The following CCSER2 variants were observed in gnomAD, a reference collection of about 807,000 sequenced individuals.
CCSER2 encodes the protein serine-rich coiled-coil domain-containing protein 2.
In CCSER2, 46 loss-of-function variants were observed where a neutral mutation model predicts 92.3. The ratio of observed to expected loss-of-function variants is 0.50; its 90% CI spans 0.39 to 0.64. The LOEUF (loss-of-function observed/expected upper bound fraction) is 0.64. Ranked by LOEUF, CCSER2 falls within the 30% of genes least tolerant of loss-of-function variation. CCSER2 has a pLI of 0.00. For missense variants in CCSER2, 1,244 were observed against 1,238.9 expected (o/e 1.00, Z -0.06); for synonymous variants, 433 against 431.4 (o/e 1.00, Z -0.04).
Position 84,371,984 on chromosome 10 carries a change from C to T in CCSER2, c.932C>T (p.Ser311Phe). 1 of 1,613,736 alleles carries T rather than the reference C, an allele frequency of 6.2e-7. No individual in the cohort carries two copies. Among genetic ancestry groups the T allele is most frequent in the Non-Finnish European group, 8.5e-7 (1 of 1,179,764 alleles). ...TTACCAAATGGCCCAGGTGTAACTT[C>T]TACTTTAGGTTATAGAATGGTTCAT... ...LALPNGPGVT[S>F]TLGYRMVHPS... Residue 311 changes from serine (S) to phenylalanine (F), a missense_variant, in exon 2 of 10, where the codon TCT (serine) becomes TTT (phenylalanine). Physicochemically the swap from Ser to Phe is radical, Grantham distance 155. Transcript: ENST00000372088.
rs753539651 is a variant in CCSER2 at position 84,372,136 on chromosome 10, A to G, written c.1084A>G (p.Asn362Asp). The G allele has an allele frequency of 6.2e-7, 1 of 1,613,612 alleles. No homozygotes were observed. Among genetic ancestry groups the G allele is most frequent in the Non-Finnish European group, 8.5e-7 (1 of 1,179,720 alleles). ...AGTTTTGGCTAAGGACAGAGCTGCT[A>G]ATAAGGACCAAGAACTGATTGAAAA... is the stretch of plus-strand genomic sequence containing the variant. ...ATVLAKDRAA[N>D]KDQELIENES... Residue 362 changes from asparagine (N) to aspartate (D), a missense_variant, in exon 2 of 10, where the codon AAT becomes GAT. Coordinates refer to ENST00000372088, the MANE Select transcript of CCSER2 (RefSeq NM_001284240.2).
chr10:84,512,268 A>G (rs752438239), intron 9 of CCSER2, among the ~76,000 whole-genome samples: 6 of 152,198 alleles, frequency 3.9e-5, no homozygotes, highest in African/African-American at 7.2e-5. Flanking sequence ...GTGGATTAGC[A>G]TAGCAAAAAA....
chr10:84,427,432 T>C (rs968501073), intron 5 of CCSER2, among the ~76,000 whole-genome samples: 3 of 152,246 alleles, frequency 2.0e-5, no homozygotes, highest in African/African-American at 7.2e-5. Context: ...TGTGCCTTAA[T>C]ATTAGAAAGG....
chr10:84,353,613 G>A (rs1361488304), intron 1 of CCSER2, among the ~76,000 whole-genome samples: 2 of 152,164 alleles, frequency 1.3e-5, no homozygotes, highest in African/African-American at 2.4e-5. Context: ...AGCCAATCCT[G>A]ACTTAGGTGG....
chr10:84,487,735 T>C (rs1436774899), intron 9 of CCSER2, among the ~76,000 whole-genome samples: 3 of 152,150 alleles, frequency 2.0e-5, no homozygotes, highest in Admixed American at 2.0e-4. Flanking sequence ...CCTTTATTTC[T>C]TTCTCCTGCC....
chr10:84,438,835 T>C (rs1036333745), intron 6 of CCSER2, 128 bp downstream of exon 6: 10 of 602,318 alleles, frequency 1.7e-5, no homozygotes, highest in African/African-American at 1.5e-4. Context: ...ATAATGCTTG[T>C]AAATAGTATA....
Position 84,514,074 on chromosome 10 carries a change from C to T in CCSER2, c.2951C>T (p.Pro984Leu). The change falls in exon 10 of 10, where the codon CCC (proline) becomes CTC (leucine). Residue 984 changes from proline (P) to leucine (L), a missense_variant. By Grantham distance (98) the Pro-to-Leu change is moderately conservative. Coordinates refer to ENST00000372088, the MANE Select transcript of CCSER2 (RefSeq NM_001284240.2). Reference protein sequence around the residue: ...QNLKASKLRPPSGSFKQKQTN... With the variant: ...QNLKASKLRPLSGSFKQKQTN... Reference sequence around the variant, plus strand: ...CTGAAAGCATCTAAGCTCCGCCCCCCCTCAGGCTCTTTCAAACAAAAACAA... The same window carrying T: ...CTGAAAGCATCTAAGCTCCGCCCCCTCTCAGGCTCTTTCAAACAAAAACAA... The T allele has an allele frequency of 6.5e-7, 1 of 1,536,280 alleles. No individual in the cohort carries two copies. Among genetic ancestry groups the T allele is most frequent in the Non-Finnish European group, 8.7e-7 (1 of 1,146,960 alleles).
intron 1 of CCSER2, among the ~76,000 whole-genome samples, chr10:84,335,039 C>G (rs1446688527): frequency 6.6e-6 from 1 of 152,092 alleles, no homozygotes; most frequent in African/African-American, 2.4e-5. Context: ...GGTCTCCTAC[C>G]CTGTATCTTG....
chr10:84,481,558 A>G (rs969519647), intron 9 of CCSER2, among the ~76,000 whole-genome samples: 1 of 152,196 alleles, frequency 6.6e-6, no homozygotes, highest in African/African-American at 2.4e-5. Context: ...GACTGAACCC[A>G]GCAAGGGAAT....
At chr10:84,367,942 G>A (rs797006498) in intron 1 of CCSER2, among the ~76,000 whole-genome samples, 6 of 152,120 alleles carry the variant, frequency 3.9e-5, no homozygotes, top group African/African-American at 1.4e-4. Flanking sequence ...CTTCGCTTTT[G>A]CCCTTCTGTG....
At chr10:84,451,053 A>G (rs940438446) in intron 6 of CCSER2, among the ~76,000 whole-genome samples, 3 of 152,206 alleles carry the variant, frequency 2.0e-5, no homozygotes, top group African/African-American at 7.2e-5. Flanking sequence ...AATGACTCCA[A>G]AATTGGAAAC....
At chr10:84,339,960 G>C (rs1564577844) in intron 1 of CCSER2, among the ~76,000 whole-genome samples, 1 of 152,082 alleles carries the variant, frequency 6.6e-6, no homozygotes, top group Non-Finnish European at 1.5e-5. Context: ...TCCTGACTCA[G>C]CTTCCCGAGT....
intron 1 of CCSER2, among the ~76,000 whole-genome samples, chr10:84,362,901 A>G (rs1021067750): frequency 1.1e-4 from 17 of 152,030 alleles, no homozygotes; most frequent in Non-Finnish European, 1.2e-4. Flanking sequence ...CAATGGCGCA[A>G]TCTCCGGTCA....
intron 3 of CCSER2, among the ~76,000 whole-genome samples, chr10:84,413,359 C>T (rs1348797598): frequency 6.6e-6 from 1 of 152,102 alleles, no homozygotes; most frequent in Non-Finnish European, 1.5e-5. Flanking sequence ...TCTTTGTTCT[C>T]ATTACTTTCA....
intron 1 of CCSER2, among the ~76,000 whole-genome samples, chr10:84,330,669 C>T (rs1843515247): frequency 6.6e-6 from 1 of 152,124 alleles, no homozygotes; most frequent in South Asian, 2.1e-4. Flanking sequence ...CACACCACCA[C>T]ACCTGGCTAA....
intron 3 of CCSER2, among the ~76,000 whole-genome samples, chr10:84,392,398 A>G (rs1235381936): frequency 6.6e-6 from 1 of 151,888 alleles, no homozygotes; most frequent in African/African-American, 2.4e-5. Context: ...GAATTGTACC[A>G]AAACAGGAAC....
intron 2 of CCSER2, among the ~76,000 whole-genome samples, chr10:84,373,057 G>T (rs1486553490): frequency 6.6e-6 from 1 of 152,044 alleles, no homozygotes; most frequent in Admixed American, 6.6e-5. Flanking sequence ...TGGATAAAAT[G>T]TATTTGGTAT....
Position 84,514,008 on chromosome 10 carries a change from A to G in CCSER2, c.2885A>G (p.Gln962Arg), listed in dbSNP as rs1270404066. Reference protein sequence around the residue: ...IITTCNSAKLQPTSSQTNLAN... With the variant: ...IITTCNSAKLRPTSSQTNLAN... ...ACAACATGTAATTCAGCAAAACTTC[A>G]GCCAACATCTAGTCAAACAAATCTT... is the stretch of plus-strand genomic sequence containing the variant. The change falls in exon 10 of 10, where the codon CAG becomes CGG. Residue 962 changes from glutamine to arginine, a missense_variant. By Grantham distance (43) the Gln-to-Arg change is conservative. Transcript: ENST00000372088. 9 of 1,536,618 alleles carry G rather than the reference A, an allele frequency of 5.9e-6. No homozygotes were observed. The highest frequency in any genetic ancestry group is 7.8e-6 in the Non-Finnish European group (9 of 1,147,052).
chr10:84,337,713 A>G (rs763366642), intron 1 of CCSER2, among the ~76,000 whole-genome samples: 6 of 152,206 alleles, frequency 3.9e-5, no homozygotes, highest in African/African-American at 7.2e-5. Flanking sequence ...ACAGGTCTCA[A>G]TCAATTTAGA....
Sources: allele counts gnomAD v4.1 joint callset (sites outside exome capture counted in the v4.1 genomes callset), GRCh38; gene constraint gnomAD v4.1.1; transcripts MANE v1.5; gene names NCBI Gene and HGNC (gene_info 2026-07-23, HGNC 2026-07-21).